The following NRXN1 variants were observed in gnomAD, a reference collection of about 807,000 sequenced individuals.
NRXN1 encodes the protein neurexin 1, also known as neurexin-1.
NRXN1 carries 39 observed loss-of-function variants against 150.9 expected under a neutral mutation model. The observed-to-expected ratio is 0.26, with a 90% CI of 0.20 to 0.34. The LOEUF (loss-of-function observed/expected upper bound fraction) is 0.34, where lower values mean the gene tolerates loss of function less well. NRXN1 is among the 10% of genes least tolerant of loss of function. The pLI, the probability that NRXN1 is intolerant of heterozygous loss-of-function variation, is 1.00. For missense variants in NRXN1, 1,815 were observed against 1,949.9 expected (o/e 0.93, Z 1.30); for synonymous variants, 924 against 757.0 (o/e 1.22, Z -3.62).
At chr2:50,274,924 T>G (rs1365477469) in intron 17 of NRXN1, among the ~76,000 whole-genome samples, 1 of 152,196 alleles carries the variant, frequency 6.6e-6, no homozygotes, top group Non-Finnish European at 1.5e-5. Flanking sequence ...TCTGTATACT[T>G]AACTCACATT....
At chr2:50,710,775 C>CT (rs35302991) in intron 5 of NRXN1, among the ~76,000 whole-genome samples, 2 of 152,188 alleles carry the variant, frequency 1.3e-5, no homozygotes, top group East Asian at 1.9e-4. Flanking sequence ...TGCTTCTCTG[C>CT]TTTTTTTGGC....
intron 5 of NRXN1, among the ~76,000 whole-genome samples, chr2:50,758,823 A>G (rs778369051): frequency 4.0e-5 from 6 of 151,860 alleles, no homozygotes; most frequent in Non-Finnish European, 8.8e-5. Context: ...CCTAATCACA[A>G]TGCTACTGCT....
intron 8 of NRXN1, among the ~76,000 whole-genome samples, chr2:50,582,222 T>C (rs955435204): frequency 6.6e-6 from 1 of 152,020 alleles, no homozygotes; most frequent in Non-Finnish European, 1.5e-5. Flanking sequence ...TTTCAGATCC[T>C]AAAAATAAGT....
intron 5 of NRXN1, among the ~76,000 whole-genome samples, chr2:50,765,016 C>T (rs980154494): frequency 5.3e-5 from 8 of 152,066 alleles, no homozygotes; most frequent in East Asian, 2.0e-4. Flanking sequence ...AGAAACTGAA[C>T]GCTTAGTACT....
At chr2:50,871,921 T>G (rs1677836847) in intron 5 of NRXN1, among the ~76,000 whole-genome samples, 1 of 151,888 alleles carries the variant, frequency 6.6e-6, no homozygotes, top group African/African-American at 2.4e-5. Flanking sequence ...AGTGAAGAAC[T>G]CCATTTTCAT....
intron 18 of NRXN1, among the ~76,000 whole-genome samples, chr2:50,184,649 T>C (rs1177635135): frequency 1.3e-5 from 2 of 152,064 alleles, no homozygotes; most frequent in South Asian, 4.1e-4. Flanking sequence ...TCAAAATTCA[T>C]GACCTTGGAA....
At chr2:50,887,558 G>T (rs573688619) in intron 5 of NRXN1, among the ~76,000 whole-genome samples, 1 of 151,560 alleles carries the variant, frequency 6.6e-6, no homozygotes, top group Non-Finnish European at 1.5e-5. Context: ...AAAGTCTTTA[G>T]TGTTTAACAT....
chr2:50,111,265 G>A (rs1454804590), intron 18 of NRXN1, among the ~76,000 whole-genome samples: 1 of 152,046 alleles, frequency 6.6e-6, no homozygotes, highest in East Asian at 1.9e-4. Flanking sequence ...TCTGACAAAG[G>A]GTCACTTAAG....
At chr2:50,894,735 A>G (rs918621466) in intron 5 of NRXN1, among the ~76,000 whole-genome samples, 1 of 152,160 alleles carries the variant, frequency 6.6e-6, no homozygotes, top group African/African-American at 2.4e-5. Context: ...ATCAACAAAA[A>G]GTATATGTTA....
chr2:49,967,632 A>G (rs530619868), intron 21 of NRXN1, among the ~76,000 whole-genome samples: 18 of 152,134 alleles, frequency 1.2e-4, no homozygotes, highest in Non-Finnish European at 1.0e-4. Flanking sequence ...ATCTTTTCTT[A>G]AAGTACTGCA....
chr2:50,607,480 A>G (rs1021030564), intron 8 of NRXN1, among the ~76,000 whole-genome samples: 1 of 152,192 alleles, frequency 6.6e-6, no homozygotes, highest in Non-Finnish European at 1.5e-5. Context: ...TTTATATCCA[A>G]GGAAGAGTTT....
chr2:50,217,611 A>G (rs1463056891), intron 18 of NRXN1, among the ~76,000 whole-genome samples: 1 of 152,024 alleles, frequency 6.6e-6, no homozygotes, highest in East Asian at 1.9e-4. Context: ...AGACCGAATT[A>G]TAACAGGGGA....
At chr2:50,456,319 T>C (rs2087553355) in intron 17 of NRXN1, among the ~76,000 whole-genome samples, 1 of 152,182 alleles carries the variant, frequency 6.6e-6, no homozygotes, top group African/African-American at 2.4e-5. Flanking sequence ...ATAGGCCTTT[T>C]TCTGAGAGAT....
At chr2:51,029,468 A>T (rs948320627) in intron 1 of NRXN1, among the ~76,000 whole-genome samples, 1 of 152,212 alleles carries the variant, frequency 6.6e-6, no homozygotes, top group South Asian at 2.1e-4. Context: ...GATTATGGTT[A>T]TCTTTTTCTT....
chr2:49,992,158 T>C (rs1288744876), intron 21 of NRXN1, among the ~76,000 whole-genome samples: 2 of 152,074 alleles, frequency 1.3e-5, no homozygotes, highest in Admixed American at 6.6e-5. Flanking sequence ...CTAGATGACC[T>C]TGGGTATGGC....
At chr2:51,026,432 C>G (rs1442386532) in intron 2 of NRXN1, 1 of 1,605,172 alleles carries the variant, frequency 6.2e-7, no homozygotes. Context: ...TGTCATGTAA[C>G]AGCACCGGCA....
At chr2:50,098,830 GTTTTTTTTTTTTTT>G (rs746736925) in intron 18 of NRXN1, among the ~76,000 whole-genome samples, 7 of 105,566 alleles carry the variant, frequency 6.6e-5, no homozygotes, top group African/African-American at 2.4e-4. Context: ...TTTGGTTTTA[GTTTTTTTTTTTTTT>G]TTTTTTTTTT....
chr2:50,581,740 A>G (rs1449086320), intron 8 of NRXN1, among the ~76,000 whole-genome samples: 1 of 152,134 alleles, frequency 6.6e-6, no homozygotes, highest in Non-Finnish European at 1.5e-5. Flanking sequence ...GTGGGCAGCT[A>G]CCTGTTCTGG....
intron 18 of NRXN1, among the ~76,000 whole-genome samples, chr2:50,131,893 T>C (rs1705550387): frequency 8.9e-6 from 1 of 112,548 alleles, no homozygotes; most frequent in Admixed American, 1.0e-4. Context: ...AAGAAACAAG[T>C]ACACTAGACG....
Sources: gnomAD v4.1 joint callset for allele counts (sites outside exome capture counted in the v4.1 genomes callset) on GRCh38, gnomAD v4.1.1 for gene constraint, MANE v1.5 for transcripts, NCBI Gene and HGNC (gene_info 2026-07-23, HGNC 2026-07-21) for gene names.